The following PTPN3 variants were observed in gnomAD, a reference collection of about 807,000 sequenced individuals.
PTPN3 encodes protein tyrosine phosphatase non-receptor type 3.
In PTPN3, 96 loss-of-function variants were observed where a neutral mutation model predicts 132.7. That is an observed-to-expected ratio of 0.72 (90% CI 0.61 to 0.86). The LOEUF is 0.86. Ranked by LOEUF, PTPN3 falls within the 40% of genes least tolerant of loss-of-function variation. The pLI, the probability that PTPN3 is intolerant of heterozygous loss-of-function variation, is 0.00. For synonymous variants in PTPN3, 398 were observed against 429.0 expected (o/e 0.93, Z 0.89); for missense variants, 1,125 against 1,159.6 (o/e 0.97, Z 0.43).
At chr9:109,454,766 T>C (rs1392693848) in intron 4 of PTPN3, among the ~76,000 whole-genome samples, 192 bp from the exon 5 acceptor site, 1 of 152,242 alleles carries the variant, frequency 6.6e-6, no homozygotes, top group East Asian at 1.9e-4. Flanking sequence ...AAGTAAAACA[T>C]TTATGCAACA....
chr9:109,448,386 C>T (rs1424929975), intron 6 of PTPN3, among the ~76,000 whole-genome samples: 1 of 152,166 alleles, frequency 6.6e-6, no homozygotes, highest in Non-Finnish European at 1.5e-5. Context: ...CTTGGTAACA[C>T]AAGAAGCACT....
At chr9:109,405,249 G>A (rs1385596332) in intron 18 of PTPN3, among the ~76,000 whole-genome samples, 1 of 152,172 alleles carries the variant, frequency 6.6e-6, no homozygotes, top group East Asian at 1.9e-4. Context: ...TTGCACAGGT[G>A]GGGAACCGGA....
At chr9:109,506,540 TTTCCTCCC>T in the PTPN3 span, among the ~76,000 whole-genome samples, 7 of 149,242 alleles carry the variant, frequency 4.7e-5, no homozygotes, top group African/African-American at 1.5e-4. Context: ...CCCTCCCTCC[TTTCCTCCC>T]TTCCTCCCTC....
upstream of PTPN3, among the ~76,000 whole-genome samples, chr9:109,500,518 A>C (rs1847850008): frequency 6.6e-6 from 1 of 152,054 alleles, no homozygotes; most frequent in Admixed American, 6.6e-5. Context: ...TCAATAACAG[A>C]GGGATGATTA....
the PTPN3 span, among the ~76,000 whole-genome samples, chr9:109,504,424 A>G: frequency 1.3e-5 from 2 of 152,238 alleles, no homozygotes; most frequent in African/African-American, 4.8e-5. Flanking sequence ...TGGGGTGGTC[A>G]GTTGATGCCA....
chr9:109,472,746 A>C (rs1446040023), intron 1 of PTPN3, among the ~76,000 whole-genome samples: 1 of 152,224 alleles, frequency 6.6e-6, no homozygotes, highest in African/African-American at 2.4e-5. Flanking sequence ...AATACTACAT[A>C]ACAATACAAA....
In PTPN3 at chr9:109,391,126, T is replaced by A. The variant is rs781529627; in HGVS notation, c.2106+12A>T. On this transcript the variant is annotated intron_variant, in intron 21 of 25. Coordinates refer to ENST00000374541, the MANE Select transcript of PTPN3 (RefSeq NM_002829.4). ...AATGTGCTCTTAAGCATCATCCAGA[T>A]TCCTAACTTACGTTCACGTAACTTG... 2.3e-5 allele frequency: 37 copies of A among 1,608,716 alleles called. No homozygotes were observed. Among genetic ancestry groups the A allele is most frequent in the Non-Finnish European group, 3.0e-5 (35 of 1,175,440 alleles).
At chr9:109,436,241 T>C (rs1474910843) in intron 9 of PTPN3, among the ~76,000 whole-genome samples, 1 of 152,246 alleles carries the variant, frequency 6.6e-6, no homozygotes, top group African/African-American at 2.4e-5. Context: ...TGAGGGGTCA[T>C]GTGCTGAAGC....
chr9:109,410,141 T>C, intron 15 of PTPN3, 65 bp from the exon 16 acceptor site: 1 of 1,613,466 alleles, frequency 6.2e-7, no homozygotes. Context: ...TGATAAGATA[T>C]TTTCATTTAG....
the PTPN3 span, among the ~76,000 whole-genome samples, chr9:109,520,850 A>T: frequency 6.6e-6 from 1 of 152,086 alleles, no homozygotes; most frequent in East Asian, 1.9e-4. Flanking sequence ...CTGCCCACAC[A>T]ATTTCAATTA....
intron 5 of PTPN3, among the ~76,000 whole-genome samples, chr9:109,451,738 G>A (rs2132008076): frequency 6.6e-6 from 1 of 152,344 alleles, no homozygotes; most frequent in East Asian, 1.9e-4. Flanking sequence ...TGGCCAGGAT[G>A]GGCCCTGGAG....
chr9:109,445,221 T>C lies in PTPN3; in HGVS notation c.466+19A>G. The C allele has an allele frequency of 1.2e-6, 2 of 1,608,970 alleles. No individual in the cohort carries two copies. The highest frequency in any genetic ancestry group is 1.3e-5 in the African/African-American group (1 of 74,918). ...CAGAACAACCTGTCCATCCGTGAAA[T>C]GCTCCCTTTGTGACTTACATTGTAC... On this transcript the variant is annotated intron_variant, in intron 7 of 25. Transcript: ENST00000374541.
chr9:109,537,303 C>T, the PTPN3 span, among the ~76,000 whole-genome samples: 1 of 152,142 alleles, frequency 6.6e-6, no homozygotes, highest in Admixed American at 6.5e-5. Flanking sequence ...AAGGGAGTTT[C>T]CAACCCCCTC....
At chr9:109,448,779 A>C (rs201140289) in intron 6 of PTPN3, 32 bp downstream of exon 6, 1 of 1,572,918 alleles carries the variant, frequency 6.4e-7, no homozygotes, top group Non-Finnish European at 8.6e-7. Context: ...TGCTAGTCTA[A>C]CAGGAAAAGA....
intron 8 of PTPN3, among the ~76,000 whole-genome samples, chr9:109,437,300 T>G (rs1844126465): frequency 6.6e-6 from 1 of 152,252 alleles, no homozygotes; most frequent in Non-Finnish European, 1.5e-5. Context: ...TCTTTAGGTC[T>G]CTCTGCCTTT....
At chr9:109,507,157 T>A in the PTPN3 span, among the ~76,000 whole-genome samples, 2 of 152,282 alleles carry the variant, frequency 1.3e-5, no homozygotes, top group Admixed American at 1.3e-4. Flanking sequence ...TGGAAATTCA[T>A]GTGGCTGAGG....
chr9:109,501,889 GA>G (rs1419739421), upstream of PTPN3, among the ~76,000 whole-genome samples: 2 of 152,198 alleles, frequency 1.3e-5, no homozygotes, highest in African/African-American at 4.8e-5. Flanking sequence ...TAGTCCTGAT[GA>G]TGTTTGCTGA....
the PTPN3 span, among the ~76,000 whole-genome samples, chr9:109,510,575 AAATAT>A: frequency 4.8e-5 from 2 of 41,504 alleles, no homozygotes; most frequent in Non-Finnish European, 1.1e-4. Flanking sequence ...AAAAAAAAAA[AAATAT>A]ATATATATAT....
At position 109,376,216 on chromosome 9, in the gene PTPN3, G is replaced by C. The variant is rs1341711009; in HGVS notation, c.*3340C>G. 6.6e-6 allele frequency: 1 copy of C among 152,064 alleles called. No individual in the cohort carries two copies. The highest frequency in any genetic ancestry group is 1.5e-5 in the Non-Finnish European group (1 of 68,018). The allele number at this position is 152,064 out of a possible 1,614,324, so 9.4% of individuals were successfully genotyped here. On this transcript the variant is annotated 3_prime_UTR_variant, in exon 26 of 26. Transcript: ENST00000374541. ...CCTTTTTACATATAAGAAAACTCAG[G>C]GTTGAGGGCAACATATCTTGCCTAA... is the stretch of plus-strand genomic sequence containing the variant.
Sources: gnomAD v4.1 joint callset for allele counts (sites outside exome capture counted in the v4.1 genomes callset) on GRCh38, gnomAD v4.1.1 for gene constraint, MANE v1.5 for transcripts, NCBI Gene and HGNC (gene_info 2026-07-23, HGNC 2026-07-21) for gene names.